Variants in HAT1 observed in about 807,000 individuals in gnomAD.
HAT1 encodes histone acetyltransferase 1.
In HAT1, 20 loss-of-function variants were observed where a neutral mutation model predicts 56.6. That is an observed-to-expected ratio of 0.35 (90% CI 0.25 to 0.51). The LOEUF is 0.51. HAT1 is among the 20% of genes least tolerant of loss of function. The pLI, the probability that HAT1 is intolerant of heterozygous loss-of-function variation, is 0.95. For missense variants in HAT1, 408 were observed against 504.3 expected (o/e 0.81, Z 1.83); for synonymous variants, 146 against 165.5 (o/e 0.88, Z 0.91).
chr2:171,962,705 T>A (rs139214998), intron 4 of HAT1, among the ~76,000 whole-genome samples: 1 of 152,206 alleles, frequency 6.6e-6, no homozygotes, highest in Admixed American at 6.5e-5. Context: ...GGTGTCTTTT[T>A]AAAAATTTTT....
intron 2 of HAT1, among the ~76,000 whole-genome samples, chr2:171,944,700 C>G (rs1178210789): frequency 6.6e-6 from 1 of 152,098 alleles, no homozygotes; most frequent in Non-Finnish European, 1.5e-5. Flanking sequence ...GTTGTTCTGT[C>G]CCACAATGAA....
intron 8 of HAT1, among the ~76,000 whole-genome samples, chr2:171,968,952 TC>T (rs1687749490): frequency 6.6e-6 from 1 of 152,204 alleles, no homozygotes. Flanking sequence ...AATTGAAACT[TC>T]CTGTAGATGG....
At chr2:171,949,009 C>A (rs975516445) in intron 3 of HAT1, among the ~76,000 whole-genome samples, 3 of 152,020 alleles carry the variant, frequency 2.0e-5, no homozygotes, top group Non-Finnish European at 4.4e-5. Flanking sequence ...CCGAAAATAT[C>A]CTGTTTTCCT....
intron 2 of HAT1, among the ~76,000 whole-genome samples, chr2:171,936,873 C>T (rs1686885420): frequency 6.6e-6 from 1 of 152,136 alleles, no homozygotes; most frequent in Admixed American, 6.6e-5. Flanking sequence ...ATACTATACC[C>T]CGTGGGGGCC....
intron 4 of HAT1, among the ~76,000 whole-genome samples, chr2:171,962,989 A>G (rs2105333272): frequency 6.6e-6 from 1 of 152,030 alleles, no homozygotes. Flanking sequence ...AAAGACGAAT[A>G]TTTTAAATTA....
At chr2:171,942,455 G>T (rs747700568) in intron 2 of HAT1, among the ~76,000 whole-genome samples, 1 of 151,852 alleles carries the variant, frequency 6.6e-6, no homozygotes, top group Admixed American at 6.6e-5. Context: ...CGAGGTTACC[G>T]TATCATGTTC....
chr2:171,951,414 G>A (rs560830789), intron 3 of HAT1, among the ~76,000 whole-genome samples: 1 of 151,754 alleles, frequency 6.6e-6, no homozygotes, highest in African/African-American at 2.4e-5. Context: ...TAGTTTTACA[G>A]ATAGTGCTTC....
chr2:171,946,689 T>A lies in HAT1; in HGVS notation c.113-19T>A. ...TTTAGTTATCTTTAATATCTCTATT[T>A]TTTTGTCCCTTGAAACAGTTCGTTT... On this transcript the variant is annotated intron_variant, in intron 2 of 10. Coordinates refer to ENST00000264108, the MANE Select transcript of HAT1 (RefSeq NM_003642.4). 1 of 1,448,796 alleles carries A rather than the reference T, an allele frequency of 6.9e-7. No individual in the cohort carries two copies. Among genetic ancestry groups the A allele is most frequent in the Non-Finnish European group, 9.6e-7 (1 of 1,037,766 alleles). 89.7% of individuals were successfully genotyped at this position (1,448,796 alleles called of 1,614,324 possible).
In HAT1 at chr2:171,935,818, G is replaced by T. The variant is rs554277510; in HGVS notation, c.112+10177G>T. Among the ~76,000 whole-genome samples, 6 of 151,980 alleles carry T rather than the reference G, an allele frequency of 3.9e-5. No individual in the cohort carries two copies. The South Asian group carries it at 1.2e-3, about 32-fold the overall frequency. ...CTGAGCCTGGGAGGTTGAGGTTGCAGTGAGCTGTGATTGGTTGTGCCACAA... is the reference window on the plus strand; with the variant it reads ...CTGAGCCTGGGAGGTTGAGGTTGCATTGAGCTGTGATTGGTTGTGCCACAA... On this transcript the variant is annotated intron_variant, in intron 2 of 10. Transcript: ENST00000264108.
intron 9 of HAT1, among the ~76,000 whole-genome samples, chr2:171,977,443 C>T (rs1162397543): frequency 6.8e-5 from 9 of 131,826 alleles, no homozygotes; most frequent in African/African-American, 2.5e-4. Context: ...GCCTGGGCAA[C>T]AGAGAGAGAC....
chr2:171,975,584 C>T (rs977249219), intron 8 of HAT1, among the ~76,000 whole-genome samples: 12 of 152,212 alleles, frequency 7.9e-5, no homozygotes, highest in African/African-American at 2.4e-4. Context: ...CTTTTTGAGT[C>T]ATTTTGGTAA....
intron 4 of HAT1, among the ~76,000 whole-genome samples, chr2:171,954,152 AT>A (rs909574097): frequency 1.3e-5 from 2 of 151,964 alleles, no homozygotes; most frequent in African/African-American, 4.8e-5. Flanking sequence ...TCAGAGTTTT[AT>A]TTTTTTGCCA....
chr2:171,967,126 T>A (rs1687701920), intron 8 of HAT1, among the ~76,000 whole-genome samples, 177 bp downstream of exon 8: 1 of 152,148 alleles, frequency 6.6e-6, no homozygotes, highest in African/African-American at 2.4e-5. Flanking sequence ...GGGGATTGGA[T>A]TACATCCCTA....
intron 4 of HAT1, among the ~76,000 whole-genome samples, chr2:171,961,967 GAAC>G (rs960866219): frequency 4.7e-5 from 7 of 150,442 alleles, no homozygotes; most frequent in South Asian, 2.1e-4. Context: ...GCCAAGTAAA[GAAC>G]AACATGTTAC....
chr2:171,929,142 T>A (rs1177350576), intron 2 of HAT1, among the ~76,000 whole-genome samples: 1 of 152,190 alleles, frequency 6.6e-6, no homozygotes, highest in Non-Finnish European at 1.5e-5. Context: ...GGGTTTATAG[T>A]AGTATTTCTT....
intron 2 of HAT1, among the ~76,000 whole-genome samples, chr2:171,930,214 C>T (rs1686704263): frequency 6.6e-6 from 1 of 151,924 alleles, no homozygotes; most frequent in Non-Finnish European, 1.5e-5. Flanking sequence ...ACTTTGTCAC[C>T]GAGGATGGAG....
At chr2:171,956,023 C>G (rs62182444) in intron 4 of HAT1, among the ~76,000 whole-genome samples, 1 of 150,646 alleles carries the variant, frequency 6.6e-6, no homozygotes, top group East Asian at 2.0e-4. Flanking sequence ...CCAGCCTGGG[C>G]AACAGAGCGA....
chr2:171,975,091 C>CT (rs1687925157), intron 8 of HAT1, among the ~76,000 whole-genome samples: 1 of 147,102 alleles, frequency 6.8e-6, no homozygotes. Context: ...AGTGTTTCCT[C>CT]TATTTTCTTT....
chr2:171,922,872 T>G (rs1686477578), intron 1 of HAT1: 1 of 251,514 alleles, frequency 4.0e-6, no homozygotes, highest in Admixed American at 5.5e-5. Flanking sequence ...GTACATCTGG[T>G]CCTGTTCCCG....
Sources: allele counts gnomAD v4.1 joint callset (sites outside exome capture counted in the v4.1 genomes callset), GRCh38; gene constraint gnomAD v4.1.1; transcripts MANE v1.5; gene names NCBI Gene and HGNC (gene_info 2026-07-23, HGNC 2026-07-21).